CACHD1: variants seen among roughly 807,000 people sequenced by gnomAD.
CACHD1 encodes the protein VWFA and cache domain-containing protein 1.
CACHD1 carries 71 observed loss-of-function variants against 138.7 expected under a neutral mutation model. That is an observed-to-expected ratio of 0.51 (90% CI 0.42 to 0.62). The LOEUF (loss-of-function observed/expected upper bound fraction) is 0.62. Among genes scored for constraint, CACHD1 ranks in the 20% least tolerant of loss-of-function variants. CACHD1 has a pLI of 0.00. For synonymous variants in CACHD1, 578 were observed against 591.5 expected, an observed-to-expected ratio of 0.98 and a Z score of 0.33; for missense variants, 1,389 against 1,625.3, an observed-to-expected ratio of 0.85 and a Z score of 2.50.
intron 1 of CACHD1, among the ~76,000 whole-genome samples, chr1:64,532,134 A>T (rs1646592185): frequency 6.6e-6 from 1 of 152,210 alleles, no homozygotes; most frequent in Non-Finnish European, 1.5e-5. Context: ...AGTCTTAATG[A>T]TAAAACTTAT....
intron 1 of CACHD1, among the ~76,000 whole-genome samples, chr1:64,527,081 C>T (rs1250445346): frequency 1.3e-5 from 2 of 152,192 alleles, no homozygotes; most frequent in African/African-American, 4.8e-5. Context: ...TTAAAGACAG[C>T]ATTGCTTTTT....
chr1:64,470,722 G>A lies in CACHD1; in HGVS notation c.-23G>A, dbSNP rs1646137980. 1.9e-6 allele frequency: 1 copy of A among 524,958 alleles called. No individual in the cohort carries two copies. The highest frequency in any genetic ancestry group is 3.3e-5 in the South Asian group (1 of 29,946). The allele number at this position is 524,958 out of a possible 1,614,324, so 32.5% of individuals were successfully genotyped here. A position where few individuals can be genotyped will look rare whatever the true frequency, so the allele number is the denominator to read the frequency against. ...CGCTTCCCCGCGCCCGGAGCCCGTC[G>A]GCGGGGAGTGGGGGGAGGCAGCATG... On this transcript the variant is annotated 5_prime_UTR_variant, in exon 1 of 27. Coordinates refer to ENST00000651257, the MANE Select transcript of CACHD1 (RefSeq NM_020925.4). The surrounding 1 kb of genome is among the most constrained non-coding windows in gnomAD (Gnocchi z 5.2).
chr1:64,666,730 A>T lies in CACHD1; in HGVS notation c.2387+563A>T, dbSNP rs1570466428. Among the ~76,000 whole-genome samples the T allele has an allele frequency of 2.6e-5, 4 of 151,752 alleles. No homozygotes were observed. In the South Asian group the frequency reaches 8.4e-4, roughly 32 times the overall value. ...TGGCTCTACAAAAATAAAATAATTAATCAGGCATGATGGGGCACACTTGTA... is the reference window on the plus strand; with the variant it reads ...TGGCTCTACAAAAATAAAATAATTATTCAGGCATGATGGGGCACACTTGTA... On this transcript the variant is annotated intron_variant, in intron 16 of 26. Coordinates refer to ENST00000651257, the MANE Select transcript of CACHD1 (RefSeq NM_020925.4).
chr1:64,688,865 C>A (rs1478422532), intron 26 of CACHD1, among the ~76,000 whole-genome samples: 1 of 152,290 alleles, frequency 6.6e-6, no homozygotes, highest in Non-Finnish European at 1.5e-5. Flanking sequence ...CTGGAGGTAC[C>A]TTTACACCCC....
At chr1:64,537,786 T>G (rs6588096) in intron 1 of CACHD1, among the ~76,000 whole-genome samples, 117,333 of 152,070 alleles carry the variant, frequency 0.77, 46,682 homozygotes, top group Non-Finnish European at 0.86. Context: ...TGCTATACTT[T>G]CATTGAGCCT....
chr1:64,644,712 T>A (rs1054611925), intron 8 of CACHD1, among the ~76,000 whole-genome samples: 1 of 152,210 alleles, frequency 6.6e-6, no homozygotes, highest in Admixed American at 6.5e-5. Flanking sequence ...CTAAGTGTAA[T>A]TCACTAGAGT....
chr1:64,543,287 G>T (rs1381541592), intron 1 of CACHD1, among the ~76,000 whole-genome samples: 1 of 150,974 alleles, frequency 6.6e-6, no homozygotes, highest in Admixed American at 6.6e-5. Flanking sequence ...CAGGCATGGC[G>T]GCTCATGCCT....
At chr1:64,524,028 C>CAA (rs36111293) in intron 1 of CACHD1, among the ~76,000 whole-genome samples, 9 of 145,828 alleles carry the variant, frequency 6.2e-5, no homozygotes, top group East Asian at 2.0e-4. Flanking sequence ...AAAATCTGTA[C>CAA]AAAAAAAAAA....
chr1:64,680,216 C>T (rs1444775696), intron 24 of CACHD1, among the ~76,000 whole-genome samples: 3 of 152,154 alleles, frequency 2.0e-5, no homozygotes, highest in East Asian at 1.9e-4. Context: ...CGGCCAATCG[C>T]GGTGGCTCAT....
rs564472526 is a variant in CACHD1, at chr1:64,546,924, C to A, written c.199-3670C>A. Among the ~76,000 whole-genome samples, 22 of 151,496 alleles carry A rather than the reference C, an allele frequency of 1.5e-4. No individual in the cohort carries two copies. In the East Asian group the frequency reaches 1.6e-3, roughly 11 times the overall value. ...TTAAAATAAAATGGATAGAAAAAAA[C>A]CCCCAAATGCTCATTTTTTTTCCTA... On this transcript the variant is annotated intron_variant, in intron 1 of 26. Coordinates refer to ENST00000651257, the MANE Select transcript of CACHD1 (RefSeq NM_020925.4).
intron 1 of CACHD1, among the ~76,000 whole-genome samples, chr1:64,503,063 T>C (rs1484538004): frequency 6.6e-6 from 1 of 152,208 alleles, no homozygotes; most frequent in African/African-American, 2.4e-5. Flanking sequence ...CTTTTTTTTG[T>C]GGTTAAACAA....
chr1:64,630,434 G>A (rs1648262363), intron 5 of CACHD1, among the ~76,000 whole-genome samples: 1 of 151,884 alleles, frequency 6.6e-6, no homozygotes, highest in Non-Finnish European at 1.5e-5. Context: ...CCGAGTACCT[G>A]GGATTACAGG....
intron 2 of CACHD1, among the ~76,000 whole-genome samples, chr1:64,569,085 C>G (rs1348421338): frequency 6.6e-6 from 1 of 152,056 alleles, no homozygotes; most frequent in Non-Finnish European, 1.5e-5. Context: ...CCACACCCGG[C>G]TAATTTTTTA....
chr1:64,560,149 T>C (rs1330164299), intron 2 of CACHD1, among the ~76,000 whole-genome samples: 1 of 152,142 alleles, frequency 6.6e-6, no homozygotes, highest in African/African-American at 2.4e-5. Flanking sequence ...GAATGAATGG[T>C]AAAATATTAG....
At chr1:64,476,968 C>G (rs183947355) in intron 1 of CACHD1, among the ~76,000 whole-genome samples, 3 of 152,182 alleles carry the variant, frequency 2.0e-5, no homozygotes, top group Admixed American at 6.5e-5. Flanking sequence ...TATGCTTGGA[C>G]CTTGGAGTAA....
intron 19 of CACHD1, among the ~76,000 whole-genome samples, chr1:64,674,250 A>G (rs908169435): frequency 4.6e-5 from 7 of 152,198 alleles, no homozygotes; most frequent in African/African-American, 1.7e-4. Context: ...TGTTAATAGA[A>G]TGGTGTGTTC....
chr1:64,623,199 C>T (rs12562719), intron 4 of CACHD1, among the ~76,000 whole-genome samples: 1 of 151,968 alleles, frequency 6.6e-6, no homozygotes, highest in African/African-American at 2.4e-5. Flanking sequence ...GTCAGGAGTT[C>T]AAGACCAGCC....
intron 1 of CACHD1, among the ~76,000 whole-genome samples, chr1:64,546,841 TA>T (rs1265300595): frequency 6.6e-6 from 1 of 152,112 alleles, no homozygotes; most frequent in Non-Finnish European, 1.5e-5. Flanking sequence ...ATAGAAGTAA[TA>T]AAAAATATAA....
intron 13 of CACHD1, among the ~76,000 whole-genome samples, chr1:64,660,698 T>C (rs1474297551): frequency 6.6e-6 from 1 of 151,988 alleles, no homozygotes. Flanking sequence ...GCCCGGCTAA[T>C]TTTTGTATTT....
Sources: allele counts gnomAD v4.1 joint callset (sites outside exome capture counted in the v4.1 genomes callset), GRCh38; gene constraint gnomAD v4.1.1; non-coding constraint Gnocchi (gnomAD v3.1); transcripts MANE v1.5; gene names NCBI Gene and HGNC (gene_info 2026-07-23, HGNC 2026-07-21).